The following SLC13A3 variants were observed in gnomAD, a reference collection of about 807,000 sequenced individuals.
SLC13A3 encodes Na(+)/dicarboxylate cotransporter 3.
In SLC13A3, 40 loss-of-function variants were observed where a neutral mutation model predicts 59.0. The ratio of observed to expected loss-of-function variants is 0.68; its 90% confidence interval spans 0.53 to 0.88. The LOEUF (loss-of-function observed/expected upper bound fraction) is 0.88. Among genes scored for constraint, SLC13A3 ranks in the 40% least tolerant of loss-of-function variants. The pLI, the probability that SLC13A3 is intolerant of heterozygous loss-of-function variation, is 0.00. For missense variants in SLC13A3, 699 were observed against 783.2 expected (o/e 0.89, Z 1.28); for synonymous variants, 317 against 330.3 (o/e 0.96, Z 0.44).
At position 46,651,454 on chromosome 20, in the gene SLC13A3, G is replaced by C; in HGVS notation, c.-33C>G. On this transcript the variant is annotated 5_prime_UTR_variant, in exon 1 of 13. Transcript: ENST00000279027. ...ATCGCCTGGCGGTACGGGCCGGCCC[G>C]GGACTGCCCCGCCTGGCCCCGGCGC... 1 of 1,403,492 alleles carries C rather than the reference G, an allele frequency of 7.1e-7. No individual in the cohort carries two copies. Among genetic ancestry groups the C allele is most frequent in the Non-Finnish European group, 9.2e-7 (1 of 1,089,400 alleles). 86.9% of individuals were successfully genotyped at this position (1,403,492 alleles called of 1,614,324 possible).
intron 1 of SLC13A3, among the ~76,000 whole-genome samples, chr20:46,642,640 C>G (rs1199984972): frequency 1.3e-5 from 2 of 152,202 alleles, no homozygotes; most frequent in African/African-American, 4.8e-5. Flanking sequence ...CTTCCTTCCT[C>G]TCTTCATCTT....
chr20:46,610,752 C>T (rs2062486558), intron 2 of SLC13A3, 143 bp from the exon 3 acceptor site: 4 of 670,924 alleles, frequency 6.0e-6, no homozygotes, highest in African/African-American at 3.6e-5. Context: ...CAAATCCACT[C>T]ACCAGGTTTA....
intron 3 of SLC13A3, among the ~76,000 whole-genome samples, chr20:46,602,663 G>T (rs1467308216): frequency 1.3e-5 from 2 of 152,136 alleles, no homozygotes; most frequent in East Asian, 3.9e-4. Flanking sequence ...TTGGGTGGAA[G>T]GGCAAAGTAC....
At chr20:46,641,405 A>G (rs148031697) in intron 1 of SLC13A3, among the ~76,000 whole-genome samples, 355 of 152,308 alleles carry the variant, frequency 2.3e-3, no homozygotes, top group African/African-American at 6.0e-3. Context: ...GGCAGACACT[A>G]GACAAAGAAA....
At chr20:46,650,366 C>T (rs1378232109) in intron 1 of SLC13A3, among the ~76,000 whole-genome samples, 3 of 152,136 alleles carry the variant, frequency 2.0e-5, no homozygotes, top group Non-Finnish European at 4.4e-5. Context: ...TTGGTTTTCT[C>T]CTCTGGAAAA....
rs1278829086 is a variant in SLC13A3, at chr20:46,613,612, G to A, written c.225C>T (p.Ile75=). 2 of 1,613,034 alleles carry A rather than the reference G, an allele frequency of 1.2e-6. No homozygotes were observed. The highest frequency in any genetic ancestry group is 1.7e-6 in the Non-Finnish European group (2 of 1,179,474). ...GGGGGCAGACCTTGTTGGAGGGCAA[G>A]ATGCCCATGAAGGGGAAGAGGACGA... ...LPIVLFPFMG[I]LPSNKVCPQY... The change falls in exon 2 of 13, where the codon ATC becomes ATT. Residue 75 remains isoleucine, a synonymous_variant. Coordinates refer to ENST00000279027, the MANE Select transcript of SLC13A3 (RefSeq NM_022829.6).
At position 46,659,714 on chromosome 20, in the gene SLC13A3, C is replaced by CA. The variant is rs201648528; in HGVS notation, c.-31+10328_-31+10329insT. The stretch of plus-strand genomic sequence containing the variant: ...CTGGGTGACAGAGTGAGACCCTATC[C>CA]CCCCCCCCCAAAAAAAAAAAGAAAA... On this transcript the variant is annotated intron_variant, in intron 1 of 12. Coordinates refer to the SLC13A3 transcript ENST00000290317. Among the ~76,000 whole-genome samples the CA allele has an allele frequency of 9.6e-3, 1,339 of 139,952 alleles. 31 individuals are homozygous for CA. Among genetic ancestry groups the CA allele is most frequent in the African/African-American group, 0.034 (1,273 of 37,654 alleles). The allele number at this position is 139,952 out of a possible 152,430, so 91.8% of individuals were successfully genotyped here.
At position 46,566,297 on chromosome 20, in the gene SLC13A3, C is replaced by T. The variant is rs774853553; in HGVS notation, c.1426G>A (p.Ala476Thr). 2 of 1,613,554 alleles carry T rather than the reference C, an allele frequency of 1.2e-6. No homozygotes were observed. The highest frequency in any genetic ancestry group is 2.7e-5 in the African/African-American group (2 of 74,974). The change falls in exon 11 of 13, where the codon GCC becomes ACC. Residue 476 changes from alanine (A) to threonine (T), a missense_variant. Ala to Thr is a moderately conservative substitution (Grantham distance 58). Transcript: ENST00000279027. ...LAVLLITVVI[A>T]FFTEFASNTA... is the part of the protein sequence containing the mutation. ...TTGCTGGCAAACTCAGTGAAGAAGG[C>T]GATGACCACAGTGATGAGCAGCACA... is the stretch of plus-strand genomic sequence containing the variant.
At chr20:46,658,620 A>T (rs1403260278) in intron 1 of SLC13A3, among the ~76,000 whole-genome samples, 1 of 152,216 alleles carries the variant, frequency 6.6e-6, no homozygotes, top group Non-Finnish European at 1.5e-5. Flanking sequence ...GTTCGAGACC[A>T]GCCTGGGCAA....
chr20:46,640,999 C>A (rs554265702), intron 1 of SLC13A3, among the ~76,000 whole-genome samples: 6 of 152,136 alleles, frequency 3.9e-5, no homozygotes, highest in African/African-American at 1.2e-4. Context: ...CTGGGGTCAG[C>A]GGGTCTATGT....
At chr20:46,647,934 T>A (rs2062911019) in intron 1 of SLC13A3, among the ~76,000 whole-genome samples, 1 of 152,212 alleles carries the variant, frequency 6.6e-6, no homozygotes, top group Non-Finnish European at 1.5e-5. Flanking sequence ...TCGCAAGTTG[T>A]TAGTGATCCA....
At chr20:46,616,492 G>C (rs964135501) in intron 1 of SLC13A3, among the ~76,000 whole-genome samples, 7 of 152,300 alleles carry the variant, frequency 4.6e-5, no homozygotes, top group Non-Finnish European at 8.8e-5. Context: ...TGGGACCAGA[G>C]AGGGGAAGAA....
intron 9 of SLC13A3, chr20:46,582,981 A>G: frequency 2.0e-6 from 2 of 985,484 alleles, no homozygotes; most frequent in Non-Finnish European, 1.2e-6. Flanking sequence ...GTTTTTCCTC[A>G]GTCCCCAACA....
chr20:46,575,757 C>T, intron 9 of SLC13A3, 72 bp from the exon 10 acceptor site: 1 of 877,580 alleles, frequency 1.1e-6, no homozygotes, highest in South Asian at 2.1e-5. Flanking sequence ...AGCCCTGAGC[C>T]CCATCTTACC....
chr20:46,595,098 C>T (rs1174265125), intron 5 of SLC13A3, among the ~76,000 whole-genome samples: 1 of 152,160 alleles, frequency 6.6e-6, no homozygotes, highest in Non-Finnish European at 1.5e-5. Context: ...ATTTGGTGTC[C>T]TTTGTTGGCC....
chr20:46,594,052 C>A (rs1190551740), intron 5 of SLC13A3, among the ~76,000 whole-genome samples: 1 of 152,074 alleles, frequency 6.6e-6, no homozygotes, highest in Non-Finnish European at 1.5e-5. Flanking sequence ...CCAGGCTTCT[C>A]CTGTTCTCAG....
intron 11 of SLC13A3, among the ~76,000 whole-genome samples, chr20:46,563,933 G>A (rs1190507877): frequency 6.6e-6 from 1 of 152,190 alleles, no homozygotes; most frequent in African/African-American, 2.4e-5. Context: ...TCTCCAATGT[G>A]AGAGTGCAGA....
At chr20:46,675,565 C>CTTT (rs915765663) in intron 1 of SLC13A3, among the ~76,000 whole-genome samples, 1 of 139,656 alleles carries the variant, frequency 7.2e-6, no homozygotes, top group Non-Finnish European at 1.6e-5. Context: ...TTCTTTCTTT[C>CTTT]TTTTTTTTTT....
chr20:46,678,253 T>C (rs2063137209), intron 1 of SLC13A3, among the ~76,000 whole-genome samples: 1 of 152,224 alleles, frequency 6.6e-6, no homozygotes, highest in East Asian at 1.9e-4. Flanking sequence ...GTCTGTCTCC[T>C]TCACTTTGAT....
Sources: allele counts gnomAD v4.1 joint callset (sites outside exome capture counted in the v4.1 genomes callset), GRCh38; gene constraint gnomAD v4.1.1; transcripts MANE v1.5; gene names NCBI Gene and HGNC (gene_info 2026-07-23, HGNC 2026-07-21).